Variants in KY observed in about 807,000 individuals in gnomAD.
KY encodes the protein kyphoscoliosis peptidase.
KY carries 43 observed loss-of-function variants against 76.1 expected under a neutral mutation model. The observed-to-expected ratio is 0.57, with a 90% CI of 0.44 to 0.73. The LOEUF is 0.73. Among genes scored for constraint, KY ranks in the 30% least tolerant of loss-of-function variants. The pLI, the probability that KY is intolerant of heterozygous loss-of-function variation, is 0.00. For synonymous variants in KY, 277 were observed against 326.2 expected (o/e 0.85, Z 1.63); for missense variants, 722 against 828.9 (o/e 0.87, Z 1.58).
intron 4 of KY, among the ~76,000 whole-genome samples, chr3:134,628,522 G>A (rs1451620021): frequency 2.0e-5 from 3 of 152,282 alleles, no homozygotes; most frequent in African/African-American, 7.2e-5. Context: ...TAACAAAGAA[G>A]ATTGCAACCA....
At chr3:134,636,398 C>T (rs1422216603) in intron 3 of KY, among the ~76,000 whole-genome samples, 1 of 152,220 alleles carries the variant, frequency 6.6e-6, no homozygotes, top group Non-Finnish European at 1.5e-5. Context: ...GGCCAATTAG[C>T]ACATGCCAGA....
At chr3:134,621,710 A>T (rs2107841371) in intron 6 of KY, among the ~76,000 whole-genome samples, 1 of 152,376 alleles carries the variant, frequency 6.6e-6, no homozygotes, top group Non-Finnish European at 1.5e-5. Context: ...GAAAAAACAG[A>T]TAAAAGGGCA....
intron 1 of KY, among the ~76,000 whole-genome samples, chr3:134,647,935 G>A (rs1966622987): frequency 1.3e-5 from 2 of 152,216 alleles, no homozygotes; most frequent in Admixed American, 6.5e-5. Flanking sequence ...AATGGAAAAT[G>A]ACAGTTGCCA....
chr3:134,628,167 C>A, intron 4 of KY: 2 of 286,878 alleles, frequency 7.0e-6, no homozygotes, highest in Non-Finnish European at 1.3e-5. Context: ...TTTCTTGAAT[C>A]CACTGCCAGA....
intron 3 of KY, 129 bp from the exon 4 acceptor site, chr3:134,629,824 GT>G: frequency 1.6e-6 from 1 of 635,700 alleles, no homozygotes; most frequent in East Asian, 2.8e-5. Context: ...AATCATCCTT[GT>G]TTTTTTCTTT....
chr3:134,643,400 G>A, intron 2 of KY, 22 bp from the exon 3 acceptor site: 1 of 1,607,726 alleles, frequency 6.2e-7, no homozygotes, highest in Non-Finnish European at 8.5e-7. Flanking sequence ...AGACAGAGAG[G>A]CCTGCAGTGA....
chr3:134,626,900 T>G (rs182735778), intron 5 of KY, among the ~76,000 whole-genome samples: 27 of 152,350 alleles, frequency 1.8e-4, no homozygotes, highest in African/African-American at 6.5e-4. Context: ...CCTCTTGCTC[T>G]GCAGAATCTG....
At chr3:134,641,191 C>A (rs548088389) in intron 3 of KY, 1 of 152,226 alleles carries the variant, frequency 6.6e-6, no homozygotes, top group East Asian at 1.9e-4. Context: ...CTCAGTGAGG[C>A]CTTTCTCACC....
intron 8 of KY, among the ~76,000 whole-genome samples, chr3:134,610,960 G>A (rs1057466603): frequency 2.0e-5 from 3 of 152,212 alleles, no homozygotes; most frequent in African/African-American, 7.2e-5. Flanking sequence ...GATGCCTGCA[G>A]GGGAACCCCG....
intron 8 of KY, among the ~76,000 whole-genome samples, chr3:134,616,607 G>T (rs1961605885): frequency 6.6e-6 from 1 of 152,182 alleles, no homozygotes; most frequent in African/African-American, 2.4e-5. Flanking sequence ...TTTGCACATG[G>T]TAATCACCAT....
chr3:134,639,202 T>C (rs547167903), intron 3 of KY, among the ~76,000 whole-genome samples: 12 of 152,156 alleles, frequency 7.9e-5, no homozygotes, highest in African/African-American at 2.2e-4. Flanking sequence ...CCACCCAGGA[T>C]GCAGTAGTCA....
chr3:134,621,719 C>T (rs1030571350), intron 6 of KY, among the ~76,000 whole-genome samples: 1 of 152,098 alleles, frequency 6.6e-6, no homozygotes, highest in Non-Finnish European at 1.5e-5. Context: ...GATAAAAGGG[C>T]ATTCGTGAAA....
intron 5 of KY, among the ~76,000 whole-genome samples, chr3:134,627,463 A>T (rs573941556): frequency 6.6e-6 from 1 of 152,194 alleles, no homozygotes; most frequent in Non-Finnish European, 1.5e-5. Flanking sequence ...TTTAAAGTTA[A>T]CATAATCCTG....
At chr3:134,642,110 G>A (rs746454106) in intron 3 of KY, among the ~76,000 whole-genome samples, 1 of 152,172 alleles carries the variant, frequency 6.6e-6, no homozygotes, top group Non-Finnish European at 1.5e-5. Flanking sequence ...AAGGGACACT[G>A]GCCTGTACTG....
chr3:134,603,408 T>C lies in KY; in HGVS notation c.*171A>G. On this transcript the variant is annotated 3_prime_UTR_variant, in exon 11 of 11. Coordinates refer to ENST00000423778, the MANE Select transcript of KY (RefSeq NM_178554.6). ...TCACAGCCACACCTGAGTGAAGCCT[T>C]CAGAACACAAAGATCACAGCTCCTG... The C allele has an allele frequency of 1.6e-6, 1 of 615,464 alleles. No individual in the cohort carries two copies. The highest frequency in any genetic ancestry group is 2.8e-6 in the Non-Finnish European group (1 of 361,266). The allele number at this position is 615,464 out of a possible 1,614,324, so 38.1% of individuals were successfully genotyped here.
At chr3:134,614,011 AT>A (rs1438969378) in intron 8 of KY, among the ~76,000 whole-genome samples, 9 of 152,236 alleles carry the variant, frequency 5.9e-5, no homozygotes, top group South Asian at 4.1e-4. Context: ...ACATAAAAAA[AT>A]ATCATATCCC....
chr3:134,627,144 T>C (rs543880743), intron 5 of KY, among the ~76,000 whole-genome samples: 1 of 152,360 alleles, frequency 6.6e-6, no homozygotes, highest in African/African-American at 2.4e-5. Flanking sequence ...GATTTATGCC[T>C]CATTAAATCT....
intron 3 of KY, among the ~76,000 whole-genome samples, chr3:134,640,900 C>T (rs561899477): frequency 9.8e-5 from 15 of 152,294 alleles, no homozygotes; most frequent in Admixed American, 2.6e-4. Context: ...TTATTCTCTA[C>T]GCATTGGATG....
At chr3:134,627,172 A>G (rs1015697247) in intron 5 of KY, among the ~76,000 whole-genome samples, 2 of 152,368 alleles carry the variant, frequency 1.3e-5, no homozygotes, top group Non-Finnish European at 2.9e-5. Context: ...AGGAGATTAT[A>G]TAAGATCTAA....
Sources: allele counts gnomAD v4.1 joint callset (sites outside exome capture counted in the v4.1 genomes callset), GRCh38; gene constraint gnomAD v4.1.1; transcripts MANE v1.5; gene names NCBI Gene and HGNC (gene_info 2026-07-23, HGNC 2026-07-21).